Variants in ANTXR2 observed in about 807,000 individuals in gnomAD.
The protein encoded by ANTXR2 is anthrax toxin receptor 2.
In ANTXR2, 44 loss-of-function variants were observed where a neutral mutation model predicts 73.7. That is an observed-to-expected ratio of 0.60 (90% confidence interval 0.47 to 0.77). The LOEUF (loss-of-function observed/expected upper bound fraction) is 0.77, where lower values mean the gene tolerates loss of function less well. Among genes scored for constraint, ANTXR2 ranks in the 30% least tolerant of loss-of-function variants. The probability of loss-of-function intolerance (pLI) is 0.00; values close to 1 mark genes in which losing one functional copy is unlikely to be tolerated. For missense variants in ANTXR2, 604 were observed against 592.5 expected (o/e 1.02, Z -0.20); for synonymous variants, 217 against 205.9 (o/e 1.05, Z -0.46).
At chr4:79,950,614 G>A (rs1029668087) in intron 16 of ANTXR2, among the ~76,000 whole-genome samples, 1 of 152,054 alleles carries the variant, frequency 6.6e-6, no homozygotes, top group Non-Finnish European at 1.5e-5. Flanking sequence ...ACGTCAAGGT[G>A]CTATTTCAAA....
intron 10 of ANTXR2, among the ~76,000 whole-genome samples, chr4:80,030,672 A>T (rs1360993327): frequency 6.6e-6 from 1 of 152,136 alleles, no homozygotes; most frequent in East Asian, 1.9e-4. Flanking sequence ...TATCTTGAAT[A>T]TTTAAGTATC....
chr4:80,018,818 G>A, intron 11 of ANTXR2, 80 bp downstream of exon 11: 1 of 1,105,490 alleles, frequency 9.0e-7, no homozygotes, highest in Non-Finnish European at 1.3e-6. Context: ...ATTGTAGTAT[G>A]CAACAACACC....
intron 3 of ANTXR2, among the ~76,000 whole-genome samples, chr4:80,065,076 T>G (rs149013861): frequency 1.3e-5 from 2 of 152,196 alleles, no homozygotes; most frequent in African/African-American, 4.8e-5. Flanking sequence ...GAAGTTCATA[T>G]GAGGATTAAG....
intron 10 of ANTXR2, among the ~76,000 whole-genome samples, chr4:80,021,149 CAA>C (rs35390197): frequency 5.0e-3 from 302 of 60,628 alleles, no homozygotes; most frequent in African/African-American, 0.019. Flanking sequence ...GACTCCATCT[CAA>C]AAAAAAAAAA....
At chr4:80,017,225 G>T (rs1222976956) in intron 11 of ANTXR2, among the ~76,000 whole-genome samples, 1 of 152,184 alleles carries the variant, frequency 6.6e-6, no homozygotes, top group Non-Finnish European at 1.5e-5. Flanking sequence ...ACACTGGCTG[G>T]TTGCTCTTCT....
intron 12 of ANTXR2, among the ~76,000 whole-genome samples, chr4:80,005,514 A>C (rs1025203683): frequency 1.2e-4 from 18 of 152,138 alleles, no homozygotes; most frequent in African/African-American, 4.1e-4. Flanking sequence ...AACCTAAAAG[A>C]AACAAAATAA....
intron 16 of ANTXR2, among the ~76,000 whole-genome samples, chr4:79,913,418 G>T (rs1307077784): frequency 6.6e-6 from 1 of 152,138 alleles, no homozygotes; most frequent in Non-Finnish European, 1.5e-5. Flanking sequence ...TTAAAAATGT[G>T]TTTGTGTGTA....
At chr4:80,047,075 A>C (rs1193023739) in intron 7 of ANTXR2, among the ~76,000 whole-genome samples, 1 of 151,714 alleles carries the variant, frequency 6.6e-6, no homozygotes, top group Non-Finnish European at 1.5e-5. Context: ...TAAAATTTGG[A>C]ATTTCATTTT....
At chr4:79,980,623 G>A (rs1015626666) in intron 14 of ANTXR2, among the ~76,000 whole-genome samples, 12 of 150,944 alleles carry the variant, frequency 7.9e-5, no homozygotes, top group East Asian at 1.9e-4. Flanking sequence ...TTTCAGAATC[G>A]AGAAAAGAAA....
At chr4:79,936,847 A>G (rs1728283918) in intron 16 of ANTXR2, among the ~76,000 whole-genome samples, 1 of 152,062 alleles carries the variant, frequency 6.6e-6, no homozygotes, top group African/African-American at 2.4e-5. Context: ...GTACTACACT[A>G]GTAGTACCAC....
chr4:80,071,048 T>C (rs917437223), intron 2 of ANTXR2, among the ~76,000 whole-genome samples: 5 of 152,198 alleles, frequency 3.3e-5, no homozygotes, highest in African/African-American at 1.2e-4. Context: ...ATTGCATATA[T>C]AGAACAGTTA....
At chr4:80,028,103 A>G (rs1347202742) in intron 10 of ANTXR2, among the ~76,000 whole-genome samples, 1 of 152,168 alleles carries the variant, frequency 6.6e-6, no homozygotes, top group Non-Finnish European at 1.5e-5. Flanking sequence ...CACTACTATG[A>G]CCATTCTTTC....
At chr4:79,928,272 GTATGATCCCACTTA>G (rs1391135703) in intron 16 of ANTXR2, among the ~76,000 whole-genome samples, 1 of 152,132 alleles carries the variant, frequency 6.6e-6, no homozygotes, top group African/African-American at 2.4e-5. Flanking sequence ...GACAAATATT[GTATGATCCCACTTA>G]TATGTGTTGC....
chr4:79,985,650 C>G (rs1394840624), intron 12 of ANTXR2, among the ~76,000 whole-genome samples: 5 of 152,062 alleles, frequency 3.3e-5, no homozygotes, highest in Non-Finnish European at 7.4e-5. Context: ...CTCAGGCACA[C>G]CAAGCTTCCA....
At chr4:79,955,666 A>T (rs1728861187) in intron 16 of ANTXR2, among the ~76,000 whole-genome samples, 1 of 152,070 alleles carries the variant, frequency 6.6e-6, no homozygotes, top group Admixed American at 6.6e-5. Context: ...AAAAAACAAG[A>T]CTGCTAGAAT....
At chr4:80,036,621 T>C (rs1006597619) in intron 7 of ANTXR2, among the ~76,000 whole-genome samples, 9 of 151,914 alleles carry the variant, frequency 5.9e-5, no homozygotes, top group African/African-American at 2.2e-4. Flanking sequence ...GCCAACATAG[T>C]GAATCCTGTC....
At chr4:80,066,851 G>A (rs1734520093) in intron 3 of ANTXR2, among the ~76,000 whole-genome samples, 1 of 152,180 alleles carries the variant, frequency 6.6e-6, no homozygotes, top group East Asian at 1.9e-4. Flanking sequence ...TTACACGCAG[G>A]TAGATTTGGT....
intron 10 of ANTXR2, among the ~76,000 whole-genome samples, chr4:80,027,829 G>C (rs1043529190): frequency 2.0e-5 from 3 of 152,056 alleles, no homozygotes; most frequent in African/African-American, 7.2e-5. Context: ...CACAAAACAA[G>C]GGTCATAGAA....
chr4:80,056,437 T>A (rs190636728), intron 3 of ANTXR2, among the ~76,000 whole-genome samples: 21 of 152,074 alleles, frequency 1.4e-4, no homozygotes, highest in East Asian at 1.4e-3. Flanking sequence ...TTCCTTGTTA[T>A]CTGCGAATTG....
Sources: gnomAD v4.1 joint callset for allele counts (sites outside exome capture counted in the v4.1 genomes callset) on GRCh38, gnomAD v4.1.1 for gene constraint, MANE v1.5 for transcripts, NCBI Gene and HGNC (gene_info 2026-07-23, HGNC 2026-07-21) for gene names.